The following ZDHHC13 variants were observed in gnomAD, a reference collection of about 807,000 sequenced individuals.
ZDHHC13 encodes the protein zDHHC palmitoyltransferase 13.
In ZDHHC13, 85 loss-of-function variants were observed where a neutral mutation model predicts 86.0. The observed-to-expected ratio is 0.99, with a 90% CI of 0.83 to 1.18. The LOEUF (loss-of-function observed/expected upper bound fraction) is 1.18. Ranked by LOEUF, ZDHHC13 falls within the 50% of genes most tolerant of loss-of-function variation. The pLI, the probability that ZDHHC13 is intolerant of heterozygous loss-of-function variation, is 0.00. For missense variants in ZDHHC13, 711 were observed against 730.2 expected, an observed-to-expected ratio of 0.97 and a Z score of 0.30; for synonymous variants, 263 against 246.4, an observed-to-expected ratio of 1.07 and a Z score of -0.63.
At chr11:19,127,525 A>G (rs189821781) in intron 1 of ZDHHC13, among the ~76,000 whole-genome samples, 25 of 152,236 alleles carry the variant, frequency 1.6e-4, no homozygotes, top group Admixed American at 1.6e-3. Flanking sequence ...ATCTTTGCCC[A>G]TTCCTATATC....
intron 4 of ZDHHC13, 79 bp from the exon 5 acceptor site, chr11:19,149,108 G>T (rs1849543047): frequency 8.7e-6 from 11 of 1,264,208 alleles, no homozygotes; most frequent in Non-Finnish European, 1.1e-5. Context: ...AATCCCTCAT[G>T]TCTTAGGAAT....
At chr11:19,172,932 A>G (rs1048592850) in intron 16 of ZDHHC13, 112 bp downstream of exon 16, 45 of 918,686 alleles carry the variant, frequency 4.9e-5, no homozygotes, top group Admixed American at 6.5e-5. Context: ...TTTGCCATCT[A>G]GTACAGTTGA....
At chr11:19,129,046 A>G (rs1348719524) in intron 1 of ZDHHC13, among the ~76,000 whole-genome samples, 2 of 152,238 alleles carry the variant, frequency 1.3e-5, no homozygotes, top group Non-Finnish European at 2.9e-5. Flanking sequence ...TAATGAAAGC[A>G]TGGCTATATT....
chr11:19,155,815 T>C lies in ZDHHC13; in HGVS notation c.893T>C (p.Leu298Pro), dbSNP rs200164703. 6.9e-5 allele frequency: 111 copies of C among 1,611,690 alleles called. 1 individual carries two copies. Among genetic ancestry groups the C allele is most frequent in the Middle Eastern group, 3.3e-4 (2 of 6,074 alleles). Residue 298 changes from leucine to proline, a missense_variant, in exon 9 of 17, where the codon CTT becomes CCT. Physicochemically the swap from Leu to Pro is moderately conservative, Grantham distance 98 (BLOSUM62 -3). Coordinates refer to ENST00000446113, the MANE Select transcript of ZDHHC13 (RefSeq NM_019028.3). The part of the protein sequence containing the change: ...QKCELFLLLM[L>P]SVITMWAIGY... ...TAATAGCTCTTCCTGCTGCTGATGC[T>C]TTCTGTGATTACCATGTGGGCTATT...
chr11:19,146,092 A>G (rs1849456142), intron 2 of ZDHHC13, 89 bp from the exon 3 acceptor site: 2 of 1,304,724 alleles, frequency 1.5e-6, no homozygotes, highest in Non-Finnish European at 2.1e-6. Context: ...GGCAGTTTGG[A>G]TAGTGAAAAG....
Position 19,121,274 on chromosome 11 carries a change from T to A in ZDHHC13, c.27+3998T>A, listed in dbSNP as rs570523912. On this transcript the variant is annotated intron_variant, in intron 1 of 16. Transcript: ENST00000446113. ...CCAGTCATGATACGATCTTGTTTGA[T>A]TGTTTGCTGCCACTTGGAGTCCACC... Among the ~76,000 whole-genome samples, 15 of 152,326 alleles carry A rather than the reference T, an allele frequency of 9.8e-5. No individual in the cohort carries two copies. In the South Asian group the frequency reaches 3.1e-3, roughly 32 times the overall value.
At chr11:19,147,913 A>C (rs1262249408) in intron 4 of ZDHHC13, among the ~76,000 whole-genome samples, 2 of 152,148 alleles carry the variant, frequency 1.3e-5, no homozygotes, top group African/African-American at 4.8e-5. Context: ...AATTAGAATA[A>C]ATAATTTTCA....
At chr11:19,152,029 T>C in intron 6 of ZDHHC13, 129 bp from the exon 7 acceptor site, 1 of 949,864 alleles carries the variant, frequency 1.1e-6, no homozygotes, top group Non-Finnish European at 1.5e-6. Context: ...TACAAAGAAG[T>C]TTCTCAGTTC....
intron 1 of ZDHHC13, among the ~76,000 whole-genome samples, chr11:19,137,154 G>T (rs1283939905): frequency 2.0e-5 from 3 of 152,132 alleles, no homozygotes; most frequent in African/African-American, 7.2e-5. Context: ...CCATCAGTGT[G>T]CTGTATTCAG....
In ZDHHC13 at chr11:19,176,086, AT is replaced by A; in HGVS notation, c.*128del. The A allele has an allele frequency of 8.9e-7, 1 of 1,129,338 alleles. No homozygotes were observed. Among genetic ancestry groups the A allele is most frequent in the Non-Finnish European group, 1.2e-6 (1 of 847,552 alleles). The allele number at this position is 1,129,338 out of a possible 1,614,324, so 70.0% of individuals were successfully genotyped here. ...AGGAAAACACGTGGTTTTTAAAGCC[AT>A]TAGGTAAAAAAAGTTCTCAATAAAG... On this transcript the variant is annotated 3_prime_UTR_variant, in exon 17 of 17. Coordinates refer to ENST00000446113, the MANE Select transcript of ZDHHC13 (RefSeq NM_019028.3).
At chr11:19,138,240 A>C (rs1410436640) in intron 1 of ZDHHC13, among the ~76,000 whole-genome samples, 1 of 151,424 alleles carries the variant, frequency 6.6e-6, no homozygotes, top group Non-Finnish European at 1.5e-5. Context: ...TATCACCACC[A>C]ATCCCACAGA....
rs140361067 is a variant in ZDHHC13, at chr11:19,169,581, C to T, written c.1475-830C>T. 2.0e-4 allele frequency: 197 copies of T among 985,394 alleles called. 1 individual carries two copies. In the African/African-American group the frequency reaches 2.4e-3, roughly 12 times the overall value. 61.0% of individuals were successfully genotyped at this position (985,394 alleles called of 1,614,324 possible). On this transcript the variant is annotated intron_variant, in intron 14 of 16. Transcript: ENST00000446113. ...ATTTATGAAACCTCAAGGTGCAAAT[C>T]GACAGAATTATCTTTTAAAAATAAT...
chr11:19,146,227 G>A lies in ZDHHC13; in HGVS notation c.220G>A (p.Asp74Asn), dbSNP rs768545227. 6.2e-7 allele frequency: 1 copy of A among 1,611,834 alleles called. No homozygotes were observed. The highest frequency in any genetic ancestry group is 1.3e-5 in the African/African-American group (1 of 74,974). The change falls in exon 3 of 17, where the codon GAT becomes AAT. Residue 74 changes from aspartate to asparagine, a missense_variant. Transcript: ENST00000446113. ...TAAAGAGTTGGTAGAAGCAGGATAT[G>A]ATGTCAGGCAACCAGATAAAGAAAA... ...RCKELVEAGY[D>N]VRQPDKENVS...
chr11:19,134,438 C>G (rs1849077692), intron 1 of ZDHHC13, among the ~76,000 whole-genome samples: 1 of 152,088 alleles, frequency 6.6e-6, no homozygotes, highest in South Asian at 2.1e-4. Context: ...TTCACAATAG[C>G]AAAGACTTGG....
At chr11:19,157,292 T>C (rs76197102) in intron 9 of ZDHHC13, among the ~76,000 whole-genome samples, 3,430 of 152,322 alleles carry the variant, frequency 0.023, 102 homozygotes, top group East Asian at 0.13. Context: ...AAAAATGTAA[T>C]GATGATGATC....
At chr11:19,137,239 A>G (rs1198145121) in intron 1 of ZDHHC13, among the ~76,000 whole-genome samples, 1 of 152,028 alleles carries the variant, frequency 6.6e-6, no homozygotes, top group Non-Finnish European at 1.5e-5. Context: ...AAGCAAATGG[A>G]AAACAAAAAA....
chr11:19,131,796 G>A (rs1422610159), intron 1 of ZDHHC13, among the ~76,000 whole-genome samples: 2 of 152,050 alleles, frequency 1.3e-5, no homozygotes, highest in African/African-American at 4.8e-5. Flanking sequence ...ACCATGCCCA[G>A]CTAATTTTTG....
At chr11:19,138,191 G>T (rs1285875589) in intron 1 of ZDHHC13, among the ~76,000 whole-genome samples, 2 of 150,874 alleles carry the variant, frequency 1.3e-5, no homozygotes, top group African/African-American at 4.9e-5. Context: ...AAAAAAGAGA[G>T]AAGAATCAAA....
At chr11:19,127,703 A>G (rs1848907722) in intron 1 of ZDHHC13, among the ~76,000 whole-genome samples, 1 of 152,254 alleles carries the variant, frequency 6.6e-6, no homozygotes, top group African/African-American at 2.4e-5. Flanking sequence ...TTATTGAATA[A>G]GGAGGCTTTT....
Sources: allele counts gnomAD v4.1 joint callset (sites outside exome capture counted in the v4.1 genomes callset), GRCh38; gene constraint gnomAD v4.1.1; transcripts MANE v1.5; gene names NCBI Gene and HGNC (gene_info 2026-07-23, HGNC 2026-07-21).